Variants in CEP112 observed in about 807,000 individuals in gnomAD.
CEP112 encodes centrosomal protein of 112 kDa.
In CEP112, 127 loss-of-function variants were observed where a neutral mutation model predicts 153.0. The ratio of observed to expected loss-of-function variants is 0.83; its 90% CI spans 0.72 to 0.96. The LOEUF (loss-of-function observed/expected upper bound fraction) is 0.96, where lower values mean the gene tolerates loss of function less well. Among genes scored for constraint, CEP112 ranks in the 40% least tolerant of loss-of-function variants. The probability of loss-of-function intolerance (pLI) is 0.00; values close to 1 mark genes in which losing one functional copy is unlikely to be tolerated. For missense variants in CEP112, 1,089 were observed against 1,101.2 expected (o/e 0.99, Z 0.16); for synonymous variants, 358 against 374.4 (o/e 0.96, Z 0.51).
At chr17:65,926,786 T>C (rs2060942832) in intron 19 of CEP112, among the ~76,000 whole-genome samples, 1 of 152,134 alleles carries the variant, frequency 6.6e-6, no homozygotes, top group Non-Finnish European at 1.5e-5. Context: ...GACTGATGAC[T>C]CATCGAAAAG....
chr17:66,120,031 T>G (rs1414238987), intron 6 of CEP112, among the ~76,000 whole-genome samples: 3 of 152,218 alleles, frequency 2.0e-5, no homozygotes, highest in Non-Finnish European at 4.4e-5. Context: ...ATAAAGGTAT[T>G]TGCCAGATAT....
intron 21 of CEP112, among the ~76,000 whole-genome samples, chr17:65,755,439 C>A (rs933207961): frequency 2.6e-5 from 4 of 152,120 alleles, no homozygotes; most frequent in African/African-American, 7.2e-5. Flanking sequence ...CTGGGGATTA[C>A]AATTTGACCT....
chr17:65,983,735 A>C (rs2063308045), intron 17 of CEP112, among the ~76,000 whole-genome samples: 1 of 152,224 alleles, frequency 6.6e-6, no homozygotes, highest in African/African-American at 2.4e-5. Flanking sequence ...GTAGAACTAT[A>C]AACCTCTTTT....
At chr17:65,987,918 C>T (rs1202290263) in intron 17 of CEP112, among the ~76,000 whole-genome samples, 2 of 152,078 alleles carry the variant, frequency 1.3e-5, no homozygotes, top group African/African-American at 4.8e-5. Flanking sequence ...CTGCCTTAAG[C>T]CACAGGAAAC....
chr17:65,773,990 G>C (rs1040430219), intron 21 of CEP112, among the ~76,000 whole-genome samples: 1 of 151,840 alleles, frequency 6.6e-6, no homozygotes, highest in African/African-American at 2.4e-5. Context: ...GGGAGCCTGA[G>C]GCAGGAGAAT....
chr17:65,663,481 A>AG (rs2046507055), intron 24 of CEP112, among the ~76,000 whole-genome samples: 1 of 152,144 alleles, frequency 6.6e-6, no homozygotes, highest in East Asian at 1.9e-4. Flanking sequence ...TGAGAGAAAA[A>AG]GGGGGGCGGC....
At position 66,019,711 on chromosome 17, in the gene CEP112, G is replaced by A. The variant is rs1598127589; in HGVS notation, c.1656+7790C>T. ...ACAAGTAACGTTATTAAAAAGCTAG[G>A]CCAATTGATACCGCATGGAAAGGGA... On this transcript the variant is annotated intron_variant, in intron 16 of 26. Coordinates refer to ENST00000535342, the MANE Select transcript of CEP112 (RefSeq NM_001199165.4). Among the ~76,000 whole-genome samples the A allele has an allele frequency of 2.0e-5, 3 of 152,226 alleles. 1 individual carries two copies. The highest frequency in any genetic ancestry group is 2.0e-4 in the Admixed American group (3 of 15,296).
chr17:65,728,436 C>T (rs910575763), intron 23 of CEP112, among the ~76,000 whole-genome samples: 12 of 152,146 alleles, frequency 7.9e-5, no homozygotes, highest in African/African-American at 2.7e-4. Context: ...AGAGAAACAA[C>T]GCCATACAGT....
At chr17:65,892,945 C>T (rs535943920) in intron 20 of CEP112, among the ~76,000 whole-genome samples, 21 of 152,200 alleles carry the variant, frequency 1.4e-4, no homozygotes, top group African/African-American at 4.8e-4. Context: ...CCACTTGACC[C>T]TAGGGATCTG....
intron 16 of CEP112, among the ~76,000 whole-genome samples, chr17:66,016,338 T>C (rs2064772247): frequency 6.6e-6 from 1 of 152,156 alleles, no homozygotes; most frequent in South Asian, 2.1e-4. Context: ...TGGTGCTTGA[T>C]ATTCAGAACA....
intron 22 of CEP112, among the ~76,000 whole-genome samples, chr17:65,746,179 A>C (rs1339396441): frequency 1.3e-5 from 2 of 150,592 alleles, no homozygotes; most frequent in Non-Finnish European, 3.0e-5. Context: ...AAAAAAAAAA[A>C]AAAAAAAAAG....
intron 21 of CEP112, among the ~76,000 whole-genome samples, chr17:65,833,782 A>G (rs6504364): frequency 0.01 from 1,560 of 152,214 alleles, 34 homozygotes; most frequent in African/African-American, 0.036. Flanking sequence ...TGGCCAAAGC[A>G]ATTTATAAAT....
intron 21 of CEP112, among the ~76,000 whole-genome samples, chr17:65,843,239 T>C (rs2146237067): frequency 6.6e-6 from 1 of 152,302 alleles, no homozygotes; most frequent in South Asian, 2.1e-4. Flanking sequence ...AATTAAATTA[T>C]TGTTATATTT....
chr17:65,929,293 A>T (rs1425631489), intron 18 of CEP112, among the ~76,000 whole-genome samples: 1 of 152,192 alleles, frequency 6.6e-6, no homozygotes, highest in Non-Finnish European at 1.5e-5. Flanking sequence ...CACATAATCC[A>T]ATCCCAGTGA....
At chr17:65,765,474 G>T (rs1023524682) in intron 21 of CEP112, among the ~76,000 whole-genome samples, 1 of 152,002 alleles carries the variant, frequency 6.6e-6, no homozygotes, top group Non-Finnish European at 1.5e-5. Context: ...AAGCACAAAT[G>T]ATTTTTTTCT....
chr17:65,933,614 T>C (rs2061202516), intron 18 of CEP112, among the ~76,000 whole-genome samples: 1 of 152,132 alleles, frequency 6.6e-6, no homozygotes, highest in Non-Finnish European at 1.5e-5. Context: ...AAGAGAGAAG[T>C]AAAATCTTCC....
intron 23 of CEP112, among the ~76,000 whole-genome samples, chr17:65,716,204 T>G (rs2049504017): frequency 1.3e-5 from 2 of 152,084 alleles, no homozygotes; most frequent in Non-Finnish European, 2.9e-5. Context: ...TCGCCCAGGC[T>G]GGAGTACAGT....
chr17:65,823,014 C>T (rs1443035126), intron 21 of CEP112, among the ~76,000 whole-genome samples: 1 of 152,046 alleles, frequency 6.6e-6, no homozygotes, highest in Non-Finnish European at 1.5e-5. Flanking sequence ...TGTGCAACCT[C>T]TAGATGCTGA....
chr17:65,821,858 T>A (rs2056603072), intron 21 of CEP112, among the ~76,000 whole-genome samples: 1 of 151,762 alleles, frequency 6.6e-6, no homozygotes, highest in Non-Finnish European at 1.5e-5. Context: ...GGCCTAATAT[T>A]GTTTCTTTAA....
Sources: allele counts gnomAD v4.1 joint callset (sites outside exome capture counted in the v4.1 genomes callset), GRCh38; gene constraint gnomAD v4.1.1; transcripts MANE v1.5; gene names NCBI Gene and HGNC (gene_info 2026-07-23, HGNC 2026-07-21).